The following SLC35F3 variants were observed in gnomAD, a reference collection of about 807,000 sequenced individuals.
SLC35F3 encodes the protein putative thiamine transporter SLC35F3.
Under a neutral mutation model 49.9 loss-of-function variants are expected in SLC35F3, and 25 were observed. The observed-to-expected ratio is 0.50, with a 90% CI of 0.37 to 0.70. The LOEUF is 0.70. Ranked by LOEUF, SLC35F3 falls within the 30% of genes least tolerant of loss-of-function variation. The pLI, the probability that SLC35F3 is intolerant of heterozygous loss-of-function variation, is 0.00. For synonymous variants in SLC35F3, 275 were observed against 265.4 expected (o/e 1.04, Z -0.35); for missense variants, 525 against 639.8 (o/e 0.82, Z 1.94).
At chr1:234,206,164 C>G (rs1270570949) in intron 2 of SLC35F3, among the ~76,000 whole-genome samples, 1 of 152,148 alleles carries the variant, frequency 6.6e-6, no homozygotes, top group Non-Finnish European at 1.5e-5. Flanking sequence ...ACCACTCCTA[C>G]ATGGAAAACA....
intron 2 of SLC35F3, among the ~76,000 whole-genome samples, chr1:234,042,110 A>G (rs1012362239): frequency 6.6e-6 from 1 of 152,166 alleles, no homozygotes; most frequent in Non-Finnish European, 1.5e-5. Flanking sequence ...TCTCCTCCGA[A>G]GTCAACTTGC....
chr1:234,120,824 G>C (rs893809673), intron 2 of SLC35F3, among the ~76,000 whole-genome samples: 1 of 152,168 alleles, frequency 6.6e-6, no homozygotes, highest in African/African-American at 2.4e-5. Context: ...TTAAAATTCT[G>C]ATCAACTTTA....
At chr1:234,009,927 C>G (rs558008694) in intron 2 of SLC35F3, among the ~76,000 whole-genome samples, 11 of 152,136 alleles carry the variant, frequency 7.2e-5, no homozygotes, top group African/African-American at 2.4e-4. Context: ...CAAACAAAAG[C>G]CAAGAGATTT....
intron 3 of SLC35F3, among the ~76,000 whole-genome samples, chr1:234,298,145 T>G (rs761032491): frequency 6.6e-6 from 1 of 152,210 alleles, no homozygotes; most frequent in Non-Finnish European, 1.5e-5. Flanking sequence ...GACAGGTTTT[T>G]TTTGAGAAAT....
intron 2 of SLC35F3, among the ~76,000 whole-genome samples, chr1:233,979,450 T>C (rs746871776): frequency 6.6e-6 from 1 of 152,196 alleles, no homozygotes; most frequent in Non-Finnish European, 1.5e-5. Flanking sequence ...ATTTTGTCCT[T>C]ATATTTGGCA....
intron 3 of SLC35F3, among the ~76,000 whole-genome samples, chr1:234,263,604 C>A (rs1244248718): frequency 2.6e-5 from 4 of 152,156 alleles, no homozygotes; most frequent in African/African-American, 9.7e-5. Flanking sequence ...GGTCCCACCC[C>A]AGACCTGAAA....
chr1:233,920,184 G>A (rs1662036205), intron 2 of SLC35F3, among the ~76,000 whole-genome samples: 1 of 152,180 alleles, frequency 6.6e-6, no homozygotes, highest in Admixed American at 6.5e-5. Context: ...TTATTAAAAA[G>A]GGGAAGATCT....
chr1:233,965,073 A>T (rs1379391480), intron 2 of SLC35F3, among the ~76,000 whole-genome samples: 1 of 152,220 alleles, frequency 6.6e-6, no homozygotes, highest in African/African-American at 2.4e-5. Context: ...TAGGTCTTCT[A>T]AGCCTTTGTT....
chr1:234,206,038 T>C (rs549988238), intron 2 of SLC35F3, among the ~76,000 whole-genome samples: 3 of 151,892 alleles, frequency 2.0e-5, no homozygotes, highest in African/African-American at 7.2e-5. Context: ...CTGGTGAGGA[T>C]GTTATAGGGA....
At chr1:233,966,025 A>T (rs1241675767) in intron 2 of SLC35F3, among the ~76,000 whole-genome samples, 4 of 152,124 alleles carry the variant, frequency 2.6e-5, no homozygotes, top group Non-Finnish European at 5.9e-5. Context: ...GGCAGGAGAG[A>T]TGACCCAGAG....
intron 2 of SLC35F3, among the ~76,000 whole-genome samples, chr1:234,204,652 T>C (rs1666945646): frequency 1.3e-5 from 2 of 152,202 alleles, no homozygotes; most frequent in African/African-American, 4.8e-5. Flanking sequence ...AAACCATGTA[T>C]ACATTTAGCC....
chr1:234,075,377 T>A (rs1664776930), intron 2 of SLC35F3, among the ~76,000 whole-genome samples: 1 of 152,228 alleles, frequency 6.6e-6, no homozygotes, highest in African/African-American at 2.4e-5. Flanking sequence ...ATCAGCCTTG[T>A]GCCTTAGAAA....
At chr1:234,301,254 C>A (rs191875721) in intron 3 of SLC35F3, among the ~76,000 whole-genome samples, 1 of 152,120 alleles carries the variant, frequency 6.6e-6, no homozygotes, top group Non-Finnish European at 1.5e-5. Context: ...AAAGAACAGA[C>A]AAGATCGGGC....
intron 2 of SLC35F3, among the ~76,000 whole-genome samples, chr1:234,099,099 C>T (rs1665175879): frequency 6.6e-6 from 1 of 151,960 alleles, no homozygotes; most frequent in Non-Finnish European, 1.5e-5. Context: ...TCCTATATTC[C>T]ACATGTTCTG....
intron 3 of SLC35F3, among the ~76,000 whole-genome samples, chr1:234,283,086 C>T (rs1447746670): frequency 6.6e-6 from 1 of 152,186 alleles, no homozygotes; most frequent in African/African-American, 2.4e-5. Context: ...TTTGAGTGAG[C>T]ACATGAGTAG....
intron 2 of SLC35F3, among the ~76,000 whole-genome samples, chr1:233,986,581 G>T (rs972083630): frequency 6.6e-6 from 1 of 152,092 alleles, no homozygotes; most frequent in African/African-American, 2.4e-5. Flanking sequence ...ATGTTTATGT[G>T]TATCTGTTTG....
chr1:234,063,978 G>C (rs1249122723), intron 2 of SLC35F3, among the ~76,000 whole-genome samples: 2 of 152,144 alleles, frequency 1.3e-5, no homozygotes, highest in Non-Finnish European at 2.9e-5. Context: ...ATTGTTAACT[G>C]CACCTGGAAT....
At chr1:233,997,905 C>T (rs1343261352) in intron 2 of SLC35F3, among the ~76,000 whole-genome samples, 1 of 152,026 alleles carries the variant, frequency 6.6e-6, no homozygotes, top group South Asian at 2.1e-4. Flanking sequence ...GCACCCACCA[C>T]CATGCTTGGC....
chr1:234,170,507 C>T (rs1666385512), intron 2 of SLC35F3, among the ~76,000 whole-genome samples: 1 of 151,852 alleles, frequency 6.6e-6, no homozygotes, highest in South Asian at 2.1e-4. Flanking sequence ...GCAGGCAGAC[C>T]CCAGGGTGTA....
Sources: allele counts gnomAD v4.1 joint callset (sites outside exome capture counted in the v4.1 genomes callset), GRCh38; gene constraint gnomAD v4.1.1; transcripts MANE v1.5; gene names NCBI Gene and HGNC (gene_info 2026-07-23, HGNC 2026-07-21).